IFT88: variants seen among roughly 807,000 people sequenced by gnomAD.
The protein encoded by IFT88 is intraflagellar transport 88.
IFT88 carries 74 observed loss-of-function variants against 119.5 expected under a neutral mutation model. The ratio of observed to expected loss-of-function variants is 0.62; its 90% confidence interval spans 0.51 to 0.75. IFT88 has a LOEUF of 0.75. IFT88 is among the 30% of genes least tolerant of loss of function. The pLI is 0.00. For missense variants in IFT88, 961 were observed against 977.7 expected, an observed-to-expected ratio of 0.98 and a Z score of 0.23; for synonymous variants, 279 against 316.7, an observed-to-expected ratio of 0.88 and a Z score of 1.26.
chr13:20,628,992 C>T (rs1302316111), intron 15 of IFT88, among the ~76,000 whole-genome samples: 2 of 152,066 alleles, frequency 1.3e-5, no homozygotes, highest in Non-Finnish European at 2.9e-5. Context: ...GGGACTATAA[C>T]ACTCCTTTTT....
rs569775025 is a variant in IFT88 at position 20,615,759 on chromosome 13, C to T, written c.1113-34C>T. 502 of 1,274,926 alleles carry T rather than the reference C, an allele frequency of 3.9e-4. 11 individuals are homozygous for T. The South Asian group carries it at 5.8e-3, about 15-fold the overall frequency. 79.0% of individuals were successfully genotyped at this position (1,274,926 alleles called of 1,614,324 possible). ...AAATCCAAACTATTTTATACTGTAT[C>T]TCTAAATACAACTTTTTGGTTTATT... On this transcript the variant is annotated intron_variant, in intron 13 of 25. Transcript: ENST00000351808.
At chr13:20,687,023 A>C (rs908554394) in intron 24 of IFT88, among the ~76,000 whole-genome samples, 1 of 60,810 alleles carries the variant, frequency 1.6e-5, no homozygotes. Flanking sequence ...CTTTCTTACC[A>C]AAAAAAAAAA....
At chr13:20,606,445 A>G (rs2043473854) in intron 13 of IFT88, among the ~76,000 whole-genome samples, 1 of 152,208 alleles carries the variant, frequency 6.6e-6, no homozygotes, top group Non-Finnish European at 1.5e-5. Flanking sequence ...GCCATGTGGC[A>G]GGGGCTGGAT....
At chr13:20,648,726 TAGC>T (rs1414892690) in intron 20 of IFT88, among the ~76,000 whole-genome samples, 6 of 152,068 alleles carry the variant, frequency 3.9e-5, no homozygotes, top group Non-Finnish European at 7.4e-5. Context: ...AAGAAAAACT[TAGC>T]AGATTGAATA....
intron 7 of IFT88, among the ~76,000 whole-genome samples, chr13:20,594,797 CTT>C (rs2041349691): frequency 6.6e-6 from 1 of 152,066 alleles, no homozygotes; most frequent in South Asian, 2.1e-4. Flanking sequence ...AACTAATAAA[CTT>C]TGTAGTCTTA....
chr13:20,576,400 A>T (rs1428250390), intron 2 of IFT88, among the ~76,000 whole-genome samples: 1 of 151,988 alleles, frequency 6.6e-6, no homozygotes, highest in Non-Finnish European at 1.5e-5. Context: ...TTTTGCTTTG[A>T]TTGCCTGTGC....
intron 2 of IFT88, among the ~76,000 whole-genome samples, chr13:20,578,000 G>C (rs2037739937): frequency 6.8e-6 from 1 of 147,152 alleles, no homozygotes; most frequent in African/African-American, 2.5e-5. Flanking sequence ...TCTTTGCTGG[G>C]AGACTTTTTA....
chr13:20,585,768 T>G (rs1171443501), intron 3 of IFT88, among the ~76,000 whole-genome samples: 1 of 152,246 alleles, frequency 6.6e-6, no homozygotes, highest in Admixed American at 6.5e-5. Flanking sequence ...GACCTCTCTT[T>G]GAGTAAAGTT....
intron 22 of IFT88, among the ~76,000 whole-genome samples, chr13:20,662,518 C>G (rs995778007): frequency 1.2e-4 from 19 of 152,142 alleles, no homozygotes; most frequent in African/African-American, 4.1e-4. Flanking sequence ...AATTTTAGAC[C>G]AATATCCCTG....
At chr13:20,632,388 A>G (rs2048333491) in intron 16 of IFT88, among the ~76,000 whole-genome samples, 1 of 152,184 alleles carries the variant, frequency 6.6e-6, no homozygotes, top group Non-Finnish European at 1.5e-5. Context: ...AAGGGCCCAG[A>G]TGAAGGCATG....
chr13:20,607,963 C>T, intron 13 of IFT88: 1 of 616,068 alleles, frequency 1.6e-6, no homozygotes, highest in Non-Finnish European at 3.1e-6. Context: ...AGTCAGGAAG[C>T]ACCTCCTCCT....
intron 2 of IFT88, 98 bp from the exon 3 acceptor site, chr13:20,582,859 A>T: frequency 1.2e-6 from 1 of 856,324 alleles, no homozygotes; most frequent in Non-Finnish European, 1.9e-6. Flanking sequence ...GCAATAGATG[A>T]GTTATAGAGG....
At chr13:20,605,287 CTAT>C (rs1302495894) in intron 13 of IFT88, among the ~76,000 whole-genome samples, 182 bp downstream of exon 13, 1 of 152,064 alleles carries the variant, frequency 6.6e-6, no homozygotes, top group African/African-American at 2.4e-5. Context: ...TTGAATAGTG[CTAT>C]TATTTCACCA....
At chr13:20,663,447 A>G (rs911630575) in intron 22 of IFT88, 51 bp from the exon 23 acceptor site, 9 of 1,597,684 alleles carry the variant, frequency 5.6e-6, no homozygotes, top group Non-Finnish European at 7.7e-6. Context: ...TGAGCTTTTA[A>G]CAAATATACT....
intron 18 of IFT88, chr13:20,641,812 T>C (rs1294476410): frequency 1.9e-5 from 3 of 156,168 alleles, no homozygotes; most frequent in African/African-American, 7.2e-5. Flanking sequence ...GGATAATTTT[T>C]CTTACTTTTT....
intron 15 of IFT88, among the ~76,000 whole-genome samples, chr13:20,630,652 G>A (rs2048071614): frequency 6.6e-6 from 1 of 152,012 alleles, no homozygotes; most frequent in African/African-American, 2.4e-5. Flanking sequence ...TCCTGCCGTG[G>A]CCTCCCAAAG....
chr13:20,632,380 G>T (rs2090300610), intron 16 of IFT88, among the ~76,000 whole-genome samples: 1 of 152,160 alleles, frequency 6.6e-6, no homozygotes, highest in South Asian at 2.1e-4. Context: ...GGCCAAGGAA[G>T]GGCCCAGATG....
chr13:20,683,757 T>G (rs1269697240), intron 24 of IFT88, among the ~76,000 whole-genome samples: 1 of 152,220 alleles, frequency 6.6e-6, no homozygotes, highest in African/African-American at 2.4e-5. Context: ...CTGCTTTGCC[T>G]TGTTTATTTG....
chr13:20,653,919 A>G lies in IFT88; in HGVS notation c.1993A>G (p.Arg665Gly), dbSNP rs766482070. Reference sequence around the variant, plus strand: ...GCAGCTGATGGTAGCTAGTTGTTTCAGAAGAAGTGGTAAATGCTTTAGTTT... The same window carrying G: ...GCAGCTGATGGTAGCTAGTTGTTTCGGAAGAAGTGGTAAATGCTTTAGTTT... ...KWQLMVASCF[R>G]RSGNYQKALD... Residue 665 changes from arginine to glycine, a missense_variant, in exon 21 of 26, where the codon AGA (arginine) becomes GGA (glycine). Arg to Gly is a moderately radical substitution (Grantham distance 125). Coordinates refer to ENST00000351808, the MANE Select transcript of IFT88 (RefSeq NM_006531.5). 1.9e-6 allele frequency: 3 copies of G among 1,584,680 alleles called. No individual in the cohort carries two copies. Among genetic ancestry groups the G allele is most frequent in the South Asian group, 2.3e-5 (2 of 86,776 alleles).
Sources: allele counts gnomAD v4.1 joint callset (sites outside exome capture counted in the v4.1 genomes callset), GRCh38; gene constraint gnomAD v4.1.1; transcripts MANE v1.5; gene names NCBI Gene and HGNC (gene_info 2026-07-23, HGNC 2026-07-21).